The following SCAI variants were observed in gnomAD, a reference collection of about 807,000 sequenced individuals.
The protein encoded by SCAI is suppressor of cancer cell invasion.
SCAI carries 24 observed loss-of-function variants against 92.2 expected under a neutral mutation model. The observed-to-expected ratio is 0.26, with a 90% CI of 0.19 to 0.37. The LOEUF (loss-of-function observed/expected upper bound fraction) is 0.37, where lower values mean the gene tolerates loss of function less well. Ranked by LOEUF, SCAI falls within the 10% of genes least tolerant of loss-of-function variation. The probability of loss-of-function intolerance (pLI) is 1.00; values close to 1 mark genes in which losing one functional copy is unlikely to be tolerated. For synonymous variants in SCAI, 261 were observed against 258.6 expected (o/e 1.01, Z -0.09); for missense variants, 450 against 736.2 (o/e 0.61, Z 4.50).
At chr9:125,048,723 T>C (rs977437273) in intron 3 of SCAI, among the ~76,000 whole-genome samples, 1 of 151,646 alleles carries the variant, frequency 6.6e-6, no homozygotes, top group Non-Finnish European at 1.5e-5. Context: ...CATATTTATT[T>C]ATTTATTTAT....
intron 2 of SCAI, among the ~76,000 whole-genome samples, chr9:125,067,167 T>C (rs758865395): frequency 1.3e-5 from 2 of 152,308 alleles, no homozygotes; most frequent in Non-Finnish European, 2.9e-5. Flanking sequence ...ATCACAAGAA[T>C]AGAAGTAGAG....
intron 2 of SCAI, among the ~76,000 whole-genome samples, chr9:125,108,851 G>A (rs1230279033): frequency 6.6e-6 from 1 of 152,248 alleles, no homozygotes; most frequent in Non-Finnish European, 1.5e-5. Flanking sequence ...CACCCCGTCT[G>A]GGAGGTGTAC....
At chr9:125,102,966 G>A (rs753177157) in intron 2 of SCAI, among the ~76,000 whole-genome samples, 15 of 151,938 alleles carry the variant, frequency 9.9e-5, no homozygotes, top group Non-Finnish European at 1.8e-4. Flanking sequence ...ATTTTCATGA[G>A]GTTCCATCTT....
chr9:125,042,037 T>A (rs1833326301), intron 3 of SCAI, among the ~76,000 whole-genome samples: 1 of 152,204 alleles, frequency 6.6e-6, no homozygotes, highest in Non-Finnish European at 1.5e-5. Context: ...TCTGAATATA[T>A]CATTTGGTCA....
intron 2 of SCAI, among the ~76,000 whole-genome samples, chr9:125,066,610 C>A (rs997824419): frequency 2.0e-5 from 3 of 151,984 alleles, no homozygotes; most frequent in Non-Finnish European, 2.9e-5. Flanking sequence ...TGCCTGCCAC[C>A]GCGCCCGGCT....
intron 14 of SCAI, among the ~76,000 whole-genome samples, chr9:124,991,079 G>A (rs1028469534): frequency 2.0e-5 from 3 of 152,138 alleles, no homozygotes; most frequent in Non-Finnish European, 2.9e-5. Flanking sequence ...GTGGCCAGGC[G>A]CAGTGGCTCA....
intron 15 of SCAI, among the ~76,000 whole-genome samples, chr9:124,972,718 A>T (rs559418318): frequency 1.1e-4 from 17 of 152,150 alleles, no homozygotes; most frequent in Non-Finnish European, 2.2e-4. Flanking sequence ...ATCAGGTATT[A>T]TCATTTCTAC....
At chr9:125,098,194 A>C (rs1242069670) in intron 2 of SCAI, among the ~76,000 whole-genome samples, 1 of 151,976 alleles carries the variant, frequency 6.6e-6, no homozygotes, top group African/African-American at 2.4e-5. Context: ...AGCTGGGACT[A>C]CAGATGCACA....
At chr9:124,962,557 G>C (rs998879896) in intron 17 of SCAI, among the ~76,000 whole-genome samples, 17 of 152,042 alleles carry the variant, frequency 1.1e-4, no homozygotes, top group Admixed American at 2.6e-4. Flanking sequence ...GGTTTTCATG[G>C]CTGCTAACGT....
chr9:124,952,759 T>G lies in SCAI; in HGVS notation c.*48A>C. 6.5e-7 allele frequency: 1 copy of G among 1,547,490 alleles called. No homozygotes were observed. Among genetic ancestry groups the G allele is most frequent in the Non-Finnish European group, 8.9e-7 (1 of 1,128,986 alleles). On this transcript the variant is annotated 3_prime_UTR_variant, in exon 18 of 18. Transcript: ENST00000336505. ...TATCACGTTAGAAAACTGCACCATT[T>G]AAAATTTGTGGAAAATGAAAACTTG...
intron 17 of SCAI, among the ~76,000 whole-genome samples, chr9:124,965,287 C>G (rs539583981): frequency 4.6e-5 from 7 of 152,024 alleles, no homozygotes; most frequent in African/African-American, 7.2e-5. Flanking sequence ...AGGCTGGAGT[C>G]CAGTGGTGTG....
rs933964556 is a variant in SCAI at position 124,945,793 on chromosome 9, C to T, written c.*7014G>A. ...CAAGGCATGCTTAAGTCTTTTTGTTCAAAACTCAGTGAAGCTGGAACATAG... is the reference window on the plus strand; with the variant it reads ...CAAGGCATGCTTAAGTCTTTTTGTTTAAAACTCAGTGAAGCTGGAACATAG... On this transcript the variant is annotated 3_prime_UTR_variant, in exon 18 of 18. Coordinates refer to ENST00000336505, the MANE Select transcript of SCAI (RefSeq NM_001144877.3). 11 of 152,096 alleles carry T rather than the reference C, an allele frequency of 7.2e-5. No homozygotes were observed. Among genetic ancestry groups the T allele is most frequent in the African/African-American group, 2.7e-4 (11 of 41,494 alleles). The allele number at this position is 152,096 out of a possible 1,614,324, so 9.4% of individuals were successfully genotyped here. A position where few individuals can be genotyped will look rare whatever the true frequency, so the allele number is the denominator to read the frequency against.
At position 125,055,589 on chromosome 9, in the gene SCAI, T is replaced by C. The variant is rs535545996; in HGVS notation, c.230+287A>G. ...GGCTCCTCAGACCTCAACACCCTAATGTGCAAAACCAGATTAAAATCAGAT... is the reference window on the plus strand; with the variant it reads ...GGCTCCTCAGACCTCAACACCCTAACGTGCAAAACCAGATTAAAATCAGAT... On this transcript the variant is annotated intron_variant, in intron 3 of 17. Coordinates refer to ENST00000336505, the MANE Select transcript of SCAI (RefSeq NM_001144877.3). Among the ~76,000 whole-genome samples, 14 of 152,336 alleles carry C rather than the reference T, an allele frequency of 9.2e-5. No individual in the cohort carries two copies. In the South Asian group the frequency reaches 2.7e-3, roughly 29 times the overall value.
At chr9:125,049,222 C>T (rs1288677654) in intron 3 of SCAI, among the ~76,000 whole-genome samples, 1 of 152,182 alleles carries the variant, frequency 6.6e-6, no homozygotes, top group South Asian at 2.1e-4. Context: ...CCCAAGCCTT[C>T]TTTGGCTTTG....
At position 124,949,739 on chromosome 9, in the gene SCAI, T is replaced by C. The variant is rs745799469; in HGVS notation, c.*3068A>G. 16 of 152,248 alleles carry C rather than the reference T, an allele frequency of 1.1e-4. No homozygotes were observed. The highest frequency in any genetic ancestry group is 3.9e-4 in the Admixed American group (6 of 15,284). 9.4% of individuals were successfully genotyped at this position (152,248 alleles called of 1,614,324 possible). ...CTTAACATTTTCTAACATAAATTACTTATGTTTATTGCCTTACTCCTTCTA... is the reference window on the plus strand; with the variant it reads ...CTTAACATTTTCTAACATAAATTACCTATGTTTATTGCCTTACTCCTTCTA... On this transcript the variant is annotated 3_prime_UTR_variant, in exon 18 of 18. Transcript: ENST00000336505. This position sits in a 1 kb window ranked among gnomAD's most constrained non-coding sequence, Gnocchi z 4.0.
chr9:125,141,644 GCAATAAGAAAACCTACTTT>G (rs1370524528), intron 2 of SCAI, among the ~76,000 whole-genome samples: 1 of 152,102 alleles, frequency 6.6e-6, no homozygotes, highest in Non-Finnish European at 1.5e-5. Context: ...AAAAGATAAA[GCAATAAGAAAACCTACTTT>G]CAATTGCATA....
chr9:125,020,546 T>C, intron 7 of SCAI, 127 bp downstream of exon 7: 1 of 520,158 alleles, frequency 1.9e-6, no homozygotes, highest in Non-Finnish European at 3.4e-6. Context: ...TGTCAGAAGT[T>C]ACTATACTTT....
At chr9:124,959,501 T>TAC (rs1281961824) in intron 17 of SCAI, among the ~76,000 whole-genome samples, 3 of 144,560 alleles carry the variant, frequency 2.1e-5, no homozygotes, top group African/African-American at 7.9e-5. Flanking sequence ...CACATATATA[T>TAC]ACACATATAT....
In SCAI at chr9:124,943,701, G is replaced by A. The variant is rs188414860; in HGVS notation, c.*9106C>T. 2 of 152,190 alleles carry A rather than the reference G, an allele frequency of 1.3e-5. No homozygotes were observed. Among genetic ancestry groups the A allele is most frequent in the East Asian group, 3.9e-4 (2 of 5,190 alleles). The allele number at this position is 152,190 out of a possible 1,614,324, so 9.4% of individuals were successfully genotyped here. ...CTAATAATCAGAATGTAGACAATAA[G>A]TTCAGCATTATTTTCAAGGGAAAAA... On this transcript the variant is annotated 3_prime_UTR_variant, in exon 18 of 18. Coordinates refer to ENST00000336505, the MANE Select transcript of SCAI (RefSeq NM_001144877.3).
Sources: allele counts gnomAD v4.1 joint callset (sites outside exome capture counted in the v4.1 genomes callset), GRCh38; gene constraint gnomAD v4.1.1; non-coding constraint Gnocchi (gnomAD v3.1); transcripts MANE v1.5; gene names NCBI Gene and HGNC (gene_info 2026-07-23, HGNC 2026-07-21).